Variants in ARHGEF28 observed in about 807,000 individuals in gnomAD.
ARHGEF28 encodes Rho guanine nucleotide exchange factor 28.
In ARHGEF28, 152 loss-of-function variants were observed where a neutral mutation model predicts 206.6. The observed-to-expected ratio is 0.74, with a 90% confidence interval of 0.64 to 0.84. The LOEUF is 0.84. Ranked by LOEUF, ARHGEF28 falls within the 40% of genes least tolerant of loss-of-function variation. ARHGEF28 has a pLI of 0.00. For synonymous variants in ARHGEF28, 763 were observed against 776.4 expected (o/e 0.98, Z 0.29); for missense variants, 2,028 against 2,073.2 (o/e 0.98, Z 0.42).
chr5:73,812,936 G>A (rs1054435082), intron 9 of ARHGEF28, among the ~76,000 whole-genome samples: 2 of 152,166 alleles, frequency 1.3e-5, no homozygotes, highest in African/African-American at 2.4e-5. Context: ...AGACTGGATT[G>A]TTAAATGAAT....
intron 14 of ARHGEF28, among the ~76,000 whole-genome samples, chr5:73,853,077 C>T (rs779384619): frequency 3.3e-5 from 5 of 152,368 alleles, no homozygotes; most frequent in Middle Eastern, 3.4e-3. Flanking sequence ...AGTGCCTAAA[C>T]ATCCCTACTG....
intron 2 of ARHGEF28, among the ~76,000 whole-genome samples, chr5:73,698,810 C>T (rs1309801474): frequency 3.3e-5 from 5 of 151,818 alleles, no homozygotes; most frequent in Admixed American, 3.3e-4. Context: ...TGGAATTAGC[C>T]GGGTCACAGG....
intron 22 of ARHGEF28, among the ~76,000 whole-genome samples, chr5:73,879,445 C>T (rs1189236275): frequency 6.6e-6 from 1 of 152,350 alleles, no homozygotes; most frequent in East Asian, 1.9e-4. Context: ...ATTCTCCGTC[C>T]AGCTTTGTTC....
At chr5:73,792,696 A>G (rs961618222) in intron 7 of ARHGEF28, among the ~76,000 whole-genome samples, 1 of 130,120 alleles carries the variant, frequency 7.7e-6, no homozygotes, top group African/African-American at 2.9e-5. Flanking sequence ...ACTTATCCCA[A>G]TTTTTAGTGT....
At chr5:73,755,284 A>T (rs941132407) in intron 4 of ARHGEF28, among the ~76,000 whole-genome samples, 1 of 151,644 alleles carries the variant, frequency 6.6e-6, no homozygotes, top group African/African-American at 2.4e-5. Context: ...TTTTAAAAAG[A>T]TTTCTAACTA....
At chr5:73,779,983 C>G (rs1336840531) in intron 6 of ARHGEF28, among the ~76,000 whole-genome samples, 16 of 152,156 alleles carry the variant, frequency 1.1e-4, no homozygotes, top group Admixed American at 1.0e-3. Flanking sequence ...GATTACCTGC[C>G]CAAGTATACT....
intron 7 of ARHGEF28, among the ~76,000 whole-genome samples, chr5:73,781,313 T>C (rs1393882885): frequency 6.6e-6 from 1 of 152,190 alleles, no homozygotes; most frequent in African/African-American, 2.4e-5. Context: ...AGAGACGGCA[T>C]GTGTGATTCT....
chr5:73,665,591 G>A (rs1357722546), intron 1 of ARHGEF28, among the ~76,000 whole-genome samples: 1 of 152,208 alleles, frequency 6.6e-6, no homozygotes, highest in Non-Finnish European at 1.5e-5. Flanking sequence ...TCTGGAGGCT[G>A]AGAAGTTCTA....
intron 9 of ARHGEF28, among the ~76,000 whole-genome samples, chr5:73,829,117 C>T (rs1164720453): frequency 6.6e-6 from 1 of 152,230 alleles, no homozygotes; most frequent in African/African-American, 2.4e-5. Context: ...GCCACCGTAC[C>T]TGGCATAGGC....
intron 2 of ARHGEF28, among the ~76,000 whole-genome samples, chr5:73,743,549 T>A (rs1236924030): frequency 1.3e-5 from 2 of 152,266 alleles, no homozygotes; most frequent in Non-Finnish European, 2.9e-5. Context: ...GGCATTCTGA[T>A]ATTTCCCCCT....
intron 35 of ARHGEF28, 123 bp downstream of exon 35, chr5:73,911,698 G>A (rs1460634878): frequency 1.9e-6 from 2 of 1,053,440 alleles, no homozygotes; most frequent in Non-Finnish European, 2.7e-6. Flanking sequence ...GTACTGATGA[G>A]CTGGAGTTTG....
intron 35 of ARHGEF28, among the ~76,000 whole-genome samples, chr5:73,927,826 G>A (rs560329853): frequency 3.9e-5 from 6 of 152,220 alleles, no homozygotes; most frequent in African/African-American, 1.4e-4. Context: ...AATGTAAAAA[G>A]AACACCTGAG....
intron 9 of ARHGEF28, among the ~76,000 whole-genome samples, chr5:73,816,674 C>G (rs1299543158): frequency 6.6e-6 from 1 of 152,206 alleles, no homozygotes; most frequent in Non-Finnish European, 1.5e-5. Flanking sequence ...AAAAGTATAT[C>G]TAGTACTTTC....
intron 2 of ARHGEF28, among the ~76,000 whole-genome samples, chr5:73,702,460 C>A (rs1381152215): frequency 6.6e-6 from 1 of 152,194 alleles, no homozygotes; most frequent in Non-Finnish European, 1.5e-5. Flanking sequence ...CGGCAACTAT[C>A]ATTCTACTCT....
At chr5:73,711,926 G>T (rs1182732571) in intron 2 of ARHGEF28, among the ~76,000 whole-genome samples, 1 of 149,706 alleles carries the variant, frequency 6.7e-6, no homozygotes, top group African/African-American at 2.5e-5. Context: ...TTAGTTCTAG[G>T]TTTGGGTTTT....
At chr5:73,664,068 C>T (rs913119303) in intron 1 of ARHGEF28, among the ~76,000 whole-genome samples, 1 of 152,186 alleles carries the variant, frequency 6.6e-6, no homozygotes, top group African/African-American at 2.4e-5. Context: ...TGACTTCAGC[C>T]AGAAAGCCCT....
At chr5:73,749,412 G>A (rs1020984120) in intron 2 of ARHGEF28, among the ~76,000 whole-genome samples, 10 of 152,154 alleles carry the variant, frequency 6.6e-5, no homozygotes, top group Non-Finnish European at 4.4e-5. Flanking sequence ...CATCCTTGTA[G>A]CCCCAGCTAC....
intron 4 of ARHGEF28, 147 bp from the exon 5 acceptor site, chr5:73,773,708 A>G: frequency 1.1e-6 from 1 of 882,410 alleles, no homozygotes; most frequent in Non-Finnish European, 1.6e-6. Context: ...AATTTGTAAA[A>G]TGAGATACAG....
In ARHGEF28 at chr5:73,746,808, G is replaced by T. The variant is rs866717220; in HGVS notation, c.34-3029G>T. Reference sequence around the variant, plus strand: ...TCTGCCTCGGACTTTGAACTTGTCTGTCTCTATGCTACCATTACTCTGTTT... The same window carrying T: ...TCTGCCTCGGACTTTGAACTTGTCTTTCTCTATGCTACCATTACTCTGTTT... On this transcript the variant is annotated intron_variant, in intron 2 of 35. Coordinates refer to ENST00000513042, the MANE Select transcript of ARHGEF28 (RefSeq NM_001177693.2). 7.2e-5 allele frequency among the ~76,000 whole-genome samples: 11 copies of T among 152,154 alleles called. No homozygotes were observed. The South Asian group carries it at 1.2e-3, about 17-fold the overall frequency.
Sources: gnomAD v4.1 joint callset for allele counts (sites outside exome capture counted in the v4.1 genomes callset) on GRCh38, gnomAD v4.1.1 for gene constraint, MANE v1.5 for transcripts, NCBI Gene and HGNC (gene_info 2026-07-23, HGNC 2026-07-21) for gene names.